VPS13C: variants seen among roughly 807,000 people sequenced by gnomAD.
The protein encoded by VPS13C is vacuolar protein sorting 13 homolog C.
Under a neutral mutation model 456.8 loss-of-function variants are expected in VPS13C, and 358 were observed. The ratio of observed to expected loss-of-function variants is 0.78; its 90% confidence interval spans 0.72 to 0.86. The LOEUF (loss-of-function observed/expected upper bound fraction) is 0.86, where lower values mean the gene tolerates loss of function less well. Ranked by LOEUF, VPS13C falls within the 40% of genes least tolerant of loss-of-function variation. The probability of loss-of-function intolerance (pLI) is 0.00; values close to 1 mark genes in which losing one functional copy is unlikely to be tolerated. For missense variants in VPS13C, 4,818 were observed against 4,385.4 expected (o/e 1.10, Z -2.79); for synonymous variants, 1,578 against 1,486.7 (o/e 1.06, Z -1.41).
chr15:61,886,305 G>A (rs749602108), intron 67 of VPS13C, among the ~76,000 whole-genome samples: 5 of 151,892 alleles, frequency 3.3e-5, no homozygotes, highest in South Asian at 2.1e-4. Flanking sequence ...AAAATGTTAC[G>A]GTAAGTGCTT....
At chr15:62,004,878 C>A (rs1298581413) in intron 15 of VPS13C, among the ~76,000 whole-genome samples, 1 of 152,168 alleles carries the variant, frequency 6.6e-6, no homozygotes, top group Admixed American at 6.5e-5. Context: ...GCCCTGTGAT[C>A]TGAGAGATAG....
At position 61,917,478 on chromosome 15, in the gene VPS13C, T is replaced by C. The variant is rs551524025; in HGVS notation, c.7918A>G (p.Asn2640Asp). ...AATTCATCAGGCAGAGCAACTGTAT[T>C]CACTATGAGAGGTAAGAAGCTGACT... ...VEVSFLPLIV[N>D]TVALPDELSY... The change falls in exon 60 of 85, where the codon AAT becomes GAT. Residue 2640 changes from asparagine to aspartate, a missense_variant. By Grantham distance (23) the Asn-to-Asp change is conservative. Coordinates refer to ENST00000644861, the MANE Select transcript of VPS13C (RefSeq NM_020821.3). 5 of 1,614,062 alleles carry C rather than the reference T, an allele frequency of 3.1e-6. No homozygotes were observed. Among genetic ancestry groups the C allele is most frequent in the Middle Eastern group, 3.3e-4 (2 of 6,062 alleles).
intron 1 of VPS13C, among the ~76,000 whole-genome samples, chr15:62,058,547 G>C (rs1265309294): frequency 6.6e-6 from 1 of 152,108 alleles, no homozygotes; most frequent in Admixed American, 6.5e-5. Flanking sequence ...TACTTATTGG[G>C]TATTATAAGC....
chr15:61,974,469 G>A (rs774923627), intron 24 of VPS13C, 52 bp from the exon 25 acceptor site: 6 of 1,579,698 alleles, frequency 3.8e-6, no homozygotes, highest in Non-Finnish European at 5.2e-6. Flanking sequence ...TTACAAACGA[G>A]GGAAAGAATT....
intron 75 of VPS13C, among the ~76,000 whole-genome samples, chr15:61,876,608 C>T (rs1895443896): frequency 6.6e-6 from 1 of 151,884 alleles, no homozygotes; most frequent in Non-Finnish European, 1.5e-5. Flanking sequence ...ACTTGAACCA[C>T]AGAGTAACTG....
At position 62,000,550 on chromosome 15, in the gene VPS13C, A is replaced by C. The variant is rs560867828; in HGVS notation, c.1353+14T>G. The C allele has an allele frequency of 1.9e-6, 3 of 1,601,496 alleles. No individual in the cohort carries two copies. In the African/African-American group the frequency reaches 4.0e-5, roughly 22 times the overall value. ...CATGTTTAAAACATAAAATCAGCTA[A>C]TAAAAATGATTACCTCAACTTGTGC... On this transcript the variant is annotated intron_variant, in intron 16 of 84. Coordinates refer to ENST00000644861, the MANE Select transcript of VPS13C (RefSeq NM_020821.3).
rs922641204 is a variant in VPS13C at position 61,918,176 on chromosome 15, T to C, written c.7720A>G (p.Arg2574Gly). 6.2e-7 allele frequency: 1 copy of C among 1,600,852 alleles called. No homozygotes were observed. The highest frequency in any genetic ancestry group is 1.3e-5 in the African/African-American group (1 of 74,114). The change falls in exon 59 of 85, where the codon AGA (arginine) becomes GGA (glycine). Residue 2574 changes from arginine to glycine, a missense_variant. Coordinates refer to ENST00000644861, the MANE Select transcript of VPS13C (RefSeq NM_020821.3). ...VKLLERIGIA[R>G]PEEEFHVPLD... ...GGAACATGGAACTCCTCTTCAGGTC[T>C]GGCTATCCCAATGCGCTCCAATAGC...
chr15:62,032,846 C>T (rs532088419), intron 5 of VPS13C, among the ~76,000 whole-genome samples: 1 of 151,830 alleles, frequency 6.6e-6, no homozygotes, highest in South Asian at 2.1e-4. Flanking sequence ...CTATAGACTA[C>T]TCTTTTTCAT....
At chr15:61,893,014 G>C (rs1327064464) in intron 66 of VPS13C, among the ~76,000 whole-genome samples, 2 of 152,164 alleles carry the variant, frequency 1.3e-5, no homozygotes, top group African/African-American at 4.8e-5. Context: ...GCAAATCTAA[G>C]AGTCACTGGT....
rs181975846 is a variant in VPS13C at position 61,888,628 on chromosome 15, C to G, written c.9341+1537G>C. Among the ~76,000 whole-genome samples the G allele has an allele frequency of 2.4e-4, 37 of 152,134 alleles. 1 individual carries two copies. Among genetic ancestry groups the G allele is most frequent in the Admixed American group, 2.0e-3 (31 of 15,262 alleles). On this transcript the variant is annotated intron_variant, in intron 67 of 84. Transcript: ENST00000644861. ...TAGGTTACATACTGCTTGATTCCAACTATATGAAATTCTGAAAAAAGAAAA... is the reference window on the plus strand; with the variant it reads ...TAGGTTACATACTGCTTGATTCCAAGTATATGAAATTCTGAAAAAAGAAAA...
In VPS13C at chr15:61,962,789, A is replaced by G; in HGVS notation, c.3395T>C (p.Ile1132Thr). 1 of 1,608,156 alleles carries G rather than the reference A, an allele frequency of 6.2e-7. No individual in the cohort carries two copies. The highest frequency in any genetic ancestry group is 1.1e-5 in the South Asian group (1 of 89,968). ...CTTTGGATCAACATCTGTGACAATAATATTTTCTAGTCGGGCAAAAAGTGA... is the reference window on the plus strand; with the variant it reads ...CTTTGGATCAACATCTGTGACAATAGTATTTTCTAGTCGGGCAAAAAGTGA... ...KQSLFARLEN[I>T]IVTDVDPKTV... The change falls in exon 33 of 85, where the codon ATT (isoleucine) becomes ACT (threonine). Residue 1132 changes from isoleucine (I) to threonine (T), a missense_variant. Ile to Thr is a moderately conservative substitution (Grantham distance 89). Around this residue, in one of 3 missense-constraint regions of VPS13C, gnomAD observed 4,552 missense variants for 4,130.6 expected, o/e 1.10. Transcript: ENST00000644861.
rs374279148 is a variant in VPS13C at position 61,925,444 on chromosome 15, G to A, written c.6609+12C>T. 30 of 1,466,326 alleles carry A rather than the reference G, an allele frequency of 2.0e-5. No homozygotes were observed. Among genetic ancestry groups the A allele is most frequent in the Middle Eastern group, 4.7e-4 (2 of 4,274 alleles). The allele number at this position is 1,466,326 out of a possible 1,614,324, so 90.8% of individuals were successfully genotyped here. On this transcript the variant is annotated intron_variant, in intron 53 of 84. Coordinates refer to ENST00000644861, the MANE Select transcript of VPS13C (RefSeq NM_020821.3). ...TAAGAATTTTCACTCAAAGAATATG[G>A]TAAGTACTAACCTTAATTATAAATT...
At position 61,919,285 on chromosome 15, in the gene VPS13C, T is replaced by C. The variant is rs775919865; in HGVS notation, c.7638+4A>G. ...AAGGGATACAATTAACTTTGAAGTA[T>C]TACCTGTAGAGGAGAGCGAAGGGTA... On this transcript the variant is annotated splice_donor_region_variant and intron_variant, in intron 58 of 84. Transcript: ENST00000644861. The C allele has an allele frequency of 3.8e-5, 60 of 1,583,726 alleles. No homozygotes were observed. Among genetic ancestry groups the C allele is most frequent in the Non-Finnish European group, 5.1e-5 (59 of 1,168,130 alleles).
At chr15:61,922,154 T>C in intron 54 of VPS13C, 121 bp from the exon 55 acceptor site, 1 of 1,112,604 alleles carries the variant, frequency 9.0e-7, no homozygotes, top group South Asian at 1.5e-5. Context: ...TCAAAACCCA[T>C]CTAACAATAT....
intron 71 of VPS13C, 95 bp downstream of exon 71, chr15:61,881,468 T>A: frequency 7.8e-7 from 1 of 1,285,584 alleles, no homozygotes. Flanking sequence ...AAATACTTTT[T>A]ACATGAAAGT....
intron 16 of VPS13C, among the ~76,000 whole-genome samples, chr15:61,997,813 C>A (rs961562858): frequency 6.6e-6 from 1 of 151,906 alleles, no homozygotes; most frequent in East Asian, 1.9e-4. Context: ...ATTTCAATAG[C>A]CTCCTAACTG....
In VPS13C at chr15:61,984,906, T is replaced by A; in HGVS notation, c.1672A>T (p.Ile558Phe). ...TGAGATACTTGAGTGCCCAGGCCAA[T>A]TATCTGAATTTTTAGTATTTCTGGA... is the stretch of plus-strand genomic sequence containing the variant. ...NIPEILKIQI[I>F]GLGTQVSQRP... Residue 558 changes from isoleucine to phenylalanine, a missense_variant, in exon 19 of 85, where the codon ATT (isoleucine) becomes TTT (phenylalanine). Around this residue, in one of 3 missense-constraint regions of VPS13C, gnomAD observed 4,552 missense variants for 4,130.6 expected, o/e 1.10. Transcript: ENST00000644861. 6.2e-7 allele frequency: 1 copy of A among 1,612,914 alleles called. No homozygotes were observed.
intron 65 of VPS13C, among the ~76,000 whole-genome samples, chr15:61,907,635 T>C (rs573154982): frequency 3.4e-4 from 52 of 152,340 alleles, no homozygotes; most frequent in Non-Finnish European, 7.1e-4. Flanking sequence ...AGTGGAATCA[T>C]AGCAATGGAA....
chr15:61,985,690 G>A (rs1347394500), intron 18 of VPS13C, among the ~76,000 whole-genome samples: 3 of 152,150 alleles, frequency 2.0e-5, no homozygotes, highest in East Asian at 1.9e-4. Context: ...AAAGAAACCT[G>A]TATAGAACAT....
Sources: allele counts gnomAD v4.1 joint callset (sites outside exome capture counted in the v4.1 genomes callset), GRCh38; gene constraint gnomAD v4.1.1; regional missense constraint gnomAD v4.1.1; transcripts MANE v1.5; gene names NCBI Gene and HGNC (gene_info 2026-07-23, HGNC 2026-07-21).